Variants in SAMD12 observed in about 807,000 individuals in gnomAD.
SAMD12 encodes the protein sterile alpha motif domain-containing protein 12.
In SAMD12, 9 loss-of-function variants were observed where a neutral mutation model predicts 15.0. The ratio of observed to expected loss-of-function variants is 0.60; its 90% CI spans 0.36 to 1.05. SAMD12 has a LOEUF of 1.05. Ranked by LOEUF, SAMD12 falls within the 50% of genes least tolerant of loss-of-function variation. The pLI is 0.01. For missense variants in SAMD12, 230 were observed against 234.2 expected, an observed-to-expected ratio of 0.98 and a Z score of 0.12; for synonymous variants, 86 against 90.1, an observed-to-expected ratio of 0.96 and a Z score of 0.25.
At chr8:118,344,740 T>G (rs538052256) in intron 4 of SAMD12, among the ~76,000 whole-genome samples, 17 of 152,218 alleles carry the variant, frequency 1.1e-4, no homozygotes, top group Non-Finnish European at 2.1e-4. Flanking sequence ...GTATCTCCAT[T>G]TTTTAGTGGA....
chr8:118,216,470 A>C (rs1811962478), intron 4 of SAMD12, among the ~76,000 whole-genome samples: 1 of 151,854 alleles, frequency 6.6e-6, no homozygotes, highest in Non-Finnish European at 1.5e-5. Context: ...GTTTAATTAG[A>C]TCCCATTTGT....
chr8:118,200,893 C>T (rs1819697154), intron 4 of SAMD12, among the ~76,000 whole-genome samples: 1 of 152,196 alleles, frequency 6.6e-6, no homozygotes, highest in African/African-American at 2.4e-5. Context: ...CATCACGGCT[C>T]ATTGTAGCCT....
chr8:118,346,903 A>G (rs759774441), intron 4 of SAMD12, among the ~76,000 whole-genome samples: 25 of 152,190 alleles, frequency 1.6e-4, no homozygotes, highest in Admixed American at 1.6e-3. Context: ...CTCAGTGGCC[A>G]AGGTGGCTGT....
At chr8:118,493,251 G>A (rs1232417417) in intron 2 of SAMD12, among the ~76,000 whole-genome samples, 1 of 152,086 alleles carries the variant, frequency 6.6e-6, no homozygotes, top group Non-Finnish European at 1.5e-5. Flanking sequence ...CACTTATCCA[G>A]TTAATTGCCA....
intron 4 of SAMD12, among the ~76,000 whole-genome samples, chr8:118,345,414 C>T (rs191625427): frequency 2.6e-4 from 40 of 152,140 alleles, no homozygotes; most frequent in East Asian, 5.8e-4. Context: ...TAAAGTGATA[C>T]GCGCTAAGGT....
intron 2 of SAMD12, among the ~76,000 whole-genome samples, chr8:118,471,273 A>G (rs1195621624): frequency 6.6e-6 from 1 of 152,156 alleles, no homozygotes; most frequent in East Asian, 1.9e-4. Context: ...GTGCTATTAA[A>G]AGCATCATTT....
chr8:118,273,846 C>T (rs2130123076), intron 4 of SAMD12, among the ~76,000 whole-genome samples: 1 of 152,218 alleles, frequency 6.6e-6, no homozygotes, highest in South Asian at 2.1e-4. Flanking sequence ...CAAGTACAGT[C>T]CTCAGGTAGG....
At chr8:118,184,595 G>A (rs111960373), downstream of SAMD12, among the ~76,000 whole-genome samples, 4,853 of 152,026 alleles carry the variant, frequency 0.032, 108 homozygotes, top group South Asian at 0.077. Flanking sequence ...TCCCCAGTTC[G>A]AGCAATTCTT....
chr8:118,393,069 C>T (rs1199555572), intron 3 of SAMD12, among the ~76,000 whole-genome samples: 2 of 152,182 alleles, frequency 1.3e-5, no homozygotes, highest in Admixed American at 6.5e-5. Context: ...AAAAATCACC[C>T]ACTATATGTC....
chr8:118,255,944 T>C (rs1218365352), intron 4 of SAMD12, among the ~76,000 whole-genome samples: 1 of 152,128 alleles, frequency 6.6e-6, no homozygotes, highest in Non-Finnish European at 1.5e-5. Flanking sequence ...ACTTCCACAA[T>C]GGTTGAACTA....
intron 3 of SAMD12, among the ~76,000 whole-genome samples, chr8:118,436,160 C>T (rs1554662988): frequency 6.6e-6 from 1 of 152,106 alleles, no homozygotes; most frequent in Non-Finnish European, 1.5e-5. Context: ...CTACATGGAT[C>T]ACTGACTATC....
chr8:118,579,275 T>G (rs1438434910), intron 2 of SAMD12, among the ~76,000 whole-genome samples: 2 of 152,196 alleles, frequency 1.3e-5, no homozygotes, highest in African/African-American at 2.4e-5. Context: ...TCTGTTTATC[T>G]TCCTAAAGAG....
At chr8:118,220,662 C>T (rs1812063701) in intron 4 of SAMD12, among the ~76,000 whole-genome samples, 1 of 152,130 alleles carries the variant, frequency 6.6e-6, no homozygotes, top group Admixed American at 6.5e-5. Flanking sequence ...ATGATTCAAG[C>T]CACTTTAGCA....
chr8:118,396,138 T>A (rs1221940723), intron 3 of SAMD12, among the ~76,000 whole-genome samples: 1 of 152,160 alleles, frequency 6.6e-6, no homozygotes. Flanking sequence ...TAAAGAGACC[T>A]GAACTTGGAG....
At chr8:118,281,592 A>G (rs1025103076) in intron 4 of SAMD12, among the ~76,000 whole-genome samples, 4 of 152,246 alleles carry the variant, frequency 2.6e-5, no homozygotes, top group Admixed American at 2.6e-4. Context: ...AGTAGTGAGA[A>G]TGTGTCATCT....
intron 2 of SAMD12, among the ~76,000 whole-genome samples, chr8:118,445,868 C>T (rs1822896555): frequency 6.6e-6 from 1 of 152,142 alleles, no homozygotes; most frequent in Non-Finnish European, 1.5e-5. Context: ...GTTTTTTCGT[C>T]TGTTCTGCAC....
the SAMD12 span, among the ~76,000 whole-genome samples, chr8:118,159,926 G>A: frequency 1.3e-5 from 2 of 151,896 alleles, no homozygotes; most frequent in Admixed American, 1.3e-4. Context: ...CACTATGTTG[G>A]CCAGGCTGGT....
intron 4 of SAMD12, among the ~76,000 whole-genome samples, chr8:118,210,715 C>A (rs925271648): frequency 1.3e-5 from 2 of 152,312 alleles, no homozygotes; most frequent in African/African-American, 4.8e-5. Flanking sequence ...TTGTCTTACA[C>A]GGCCCTACCC....
intron 2 of SAMD12, among the ~76,000 whole-genome samples, chr8:118,491,703 A>T (rs1047201815): frequency 1.3e-5 from 2 of 152,138 alleles, no homozygotes; most frequent in African/African-American, 4.8e-5. Context: ...CATGCAGTAA[A>T]CATGTGCATG....
Sources: allele counts gnomAD v4.1 joint callset (sites outside exome capture counted in the v4.1 genomes callset), GRCh38; gene constraint gnomAD v4.1.1; transcripts MANE v1.5; gene names NCBI Gene and HGNC (gene_info 2026-07-23, HGNC 2026-07-21).